CTNND2: variants seen among roughly 807,000 people sequenced by gnomAD.
The protein encoded by CTNND2 is catenin delta-2.
CTNND2 carries 22 observed loss-of-function variants against 144.4 expected under a neutral mutation model. That is an observed-to-expected ratio of 0.15 (90% confidence interval 0.11 to 0.22). CTNND2 has a LOEUF of 0.22. Among genes scored for constraint, CTNND2 ranks in the 10% least tolerant of loss-of-function variants. CTNND2 has a pLI of 1.00. For missense variants in CTNND2, 1,353 were observed against 1,618.8 expected (o/e 0.84, Z 2.82); for synonymous variants, 751 against 695.6 (o/e 1.08, Z -1.25).
At chr5:11,714,816 G>A (rs1275827886) in intron 2 of CTNND2, among the ~76,000 whole-genome samples, 1 of 151,784 alleles carries the variant, frequency 6.6e-6, no homozygotes. Context: ...GGCTGAAGCA[G>A]GAGAATGGCA....
At chr5:11,763,565 A>G (rs1217047098) in intron 1 of CTNND2, among the ~76,000 whole-genome samples, 2 of 152,184 alleles carry the variant, frequency 1.3e-5, no homozygotes, top group Admixed American at 6.5e-5. Context: ...TTGTCCTCCA[A>G]ATTTGATCCA....
intron 2 of CTNND2, among the ~76,000 whole-genome samples, chr5:11,677,622 T>C (rs1455423948): frequency 6.6e-6 from 1 of 152,166 alleles, no homozygotes; most frequent in Non-Finnish European, 1.5e-5. Context: ...ATAATGTGTT[T>C]ATGAAATGTG....
chr5:11,309,225 T>G (rs1022671928), intron 9 of CTNND2, among the ~76,000 whole-genome samples: 1 of 152,116 alleles, frequency 6.6e-6, no homozygotes, highest in African/African-American at 2.4e-5. Context: ...GAATGGTAGA[T>G]CCACTGATAG....
At chr5:11,050,697 G>T (rs1745742155) in intron 16 of CTNND2, among the ~76,000 whole-genome samples, 1 of 152,204 alleles carries the variant, frequency 6.6e-6, no homozygotes, top group Non-Finnish European at 1.5e-5. Context: ...AAGCAAGCCT[G>T]CTATTAGTTT....
chr5:11,433,841 T>C (rs1173372110), intron 3 of CTNND2, among the ~76,000 whole-genome samples: 1 of 152,220 alleles, frequency 6.6e-6, no homozygotes, highest in East Asian at 1.9e-4. Flanking sequence ...CCAAACTATA[T>C]CAGTTGTAAA....
intron 9 of CTNND2, among the ~76,000 whole-genome samples, chr5:11,253,343 C>G (rs1743866100): frequency 6.6e-6 from 1 of 152,156 alleles, no homozygotes; most frequent in South Asian, 2.1e-4. Flanking sequence ...TCACTCAAAT[C>G]TTATCTTGAA....
chr5:11,311,740 C>T (rs1057091455), intron 9 of CTNND2, among the ~76,000 whole-genome samples: 7 of 146,534 alleles, frequency 4.8e-5, no homozygotes, highest in African/African-American at 1.8e-4. Context: ...ACCTCACATG[C>T]CCATATGCTC....
chr5:11,173,282 C>T (rs1249565517), intron 11 of CTNND2, among the ~76,000 whole-genome samples: 1 of 152,256 alleles, frequency 6.6e-6, no homozygotes, highest in Non-Finnish European at 1.5e-5. Context: ...CTCTGCTGTG[C>T]CCCTAGGGCT....
chr5:11,203,858 T>C (rs1161008933), intron 10 of CTNND2, among the ~76,000 whole-genome samples: 2 of 152,246 alleles, frequency 1.3e-5, no homozygotes, highest in African/African-American at 4.8e-5. Context: ...GGGGAAATGA[T>C]AGCTTCATTT....
intron 6 of CTNND2, among the ~76,000 whole-genome samples, chr5:11,391,742 T>C (rs1759642990): frequency 6.6e-6 from 1 of 152,142 alleles, no homozygotes; most frequent in African/African-American, 2.4e-5. Flanking sequence ...ATATGTAACA[T>C]AAAAGAAGAG....
chr5:11,382,643 GTGTA>G (rs201047102), intron 7 of CTNND2, among the ~76,000 whole-genome samples: 29 of 141,478 alleles, frequency 2.0e-4, no homozygotes, highest in African/African-American at 5.8e-4. Flanking sequence ...GTGTGTGTGT[GTGTA>G]GAATGATGAA....
chr5:11,397,101 C>T lies in CTNND2; in HGVS notation c.542G>A (p.Gly181Glu). 3.7e-6 allele frequency: 6 copies of T among 1,614,150 alleles called. No homozygotes were observed. Among genetic ancestry groups the T allele is most frequent in the Non-Finnish European group, 5.1e-6 (6 of 1,180,034 alleles). Residue 181 changes from glycine to glutamate, a missense_variant, in exon 6 of 22, where the codon GGG (glycine) becomes GAG (glutamate). By Grantham distance (98) the Gly-to-Glu change is moderately conservative. This residue lies in a region of CTNND2 where 708 missense variants were observed against 706.4 expected (regional missense o/e 1.00). Transcript: ENST00000304623. Reference protein sequence around the residue: ...SYHSNQTLALGETTPSQLPAR... With the variant: ...SYHSNQTLALEETTPSQLPAR... ...CGGGAGCTGTGAAGGGGTGGTTTCC[C>T]CCAGGGCCAGGGTCTGGTTGCTATG...
intron 2 of CTNND2, chr5:11,589,077 T>C: frequency 1.0e-6 from 1 of 973,464 alleles, no homozygotes; most frequent in East Asian, 1.1e-4. Context: ...GGTTGCTGTC[T>C]TAAAAGAGAA....
intron 1 of CTNND2, among the ~76,000 whole-genome samples, chr5:11,847,920 T>C (rs1311833333): frequency 1.3e-5 from 2 of 152,106 alleles, no homozygotes; most frequent in African/African-American, 2.4e-5. Context: ...AAGTGTCAAA[T>C]AGAAAAATCT....
intron 7 of CTNND2, among the ~76,000 whole-genome samples, chr5:11,368,113 AG>A (rs1757146259): frequency 3.3e-5 from 5 of 152,304 alleles, no homozygotes; most frequent in Admixed American, 2.6e-4. Flanking sequence ...CTTGGCTTAC[AG>A]GTTAAGGAAG....
intron 9 of CTNND2, among the ~76,000 whole-genome samples, chr5:11,305,342 T>C (rs2150040463): frequency 6.6e-6 from 1 of 152,300 alleles, no homozygotes. Flanking sequence ...TTCTAACTGC[T>C]GCGCTCTGCC....
chr5:11,806,035 C>CTATTATTTAA, intron 1 of CTNND2, among the ~76,000 whole-genome samples: 1 of 152,254 alleles, frequency 6.6e-6, no homozygotes. Flanking sequence ...TCAAAACTAT[C>CTATTATTTAA]AAAGTTATTA....
intron 9 of CTNND2, among the ~76,000 whole-genome samples, chr5:11,249,767 G>A (rs1379055225): frequency 2.7e-5 from 4 of 150,652 alleles, no homozygotes; most frequent in African/African-American, 4.9e-5. Context: ...TTATTTAGCC[G>A]CTAGAATAGT....
chr5:11,027,689 A>G (rs1479011786), intron 16 of CTNND2, among the ~76,000 whole-genome samples: 2 of 152,162 alleles, frequency 1.3e-5, no homozygotes, highest in African/African-American at 4.8e-5. Context: ...GATTTTCTTG[A>G]AAAACTGCAA....
Sources: gnomAD v4.1 joint callset for allele counts (sites outside exome capture counted in the v4.1 genomes callset) on GRCh38, gnomAD v4.1.1 for gene constraint, gnomAD v4.1.1 regional missense constraint, MANE v1.5 for transcripts, NCBI Gene and HGNC (gene_info 2026-07-23, HGNC 2026-07-21) for gene names.